ZNF426: variants seen among roughly 807,000 people sequenced by gnomAD.
ZNF426 encodes the protein CTC-543D15.7.
A neutral mutation model predicts 24.0 loss-of-function variants in ZNF426; 23 were observed. The ratio of observed to expected loss-of-function variants is 0.96; its 90% CI spans 0.69 to 1.36. The LOEUF is 1.36. Ranked by LOEUF, ZNF426 falls within the 40% of genes most tolerant of loss-of-function variation. The pLI is 0.00. For missense variants in ZNF426, 646 were observed against 658.4 expected (o/e 0.98, Z 0.21); for synonymous variants, 272 against 224.6 (o/e 1.21, Z -1.89).
Position 9,527,534 on chromosome 19 carries a change from A to G in ZNF426, c.*846T>C, listed in dbSNP as rs762171467. ...TTTTTCATGCTCCTTACATTCATAC[A>G]ATTTCTCTCCTATGTGATTTCTCCT... On this transcript the variant is annotated 3_prime_UTR_variant, in exon 8 of 8. Coordinates refer to ENST00000253115, the MANE Select transcript of ZNF426 (RefSeq NM_024106.3). The G allele has an allele frequency of 2.0e-5, 3 of 152,224 alleles. No homozygotes were observed. The highest frequency in any genetic ancestry group is 6.5e-5 in the Admixed American group (1 of 15,274). The allele number at this position is 152,224 out of a possible 1,614,324, so 9.4% of individuals were successfully genotyped here.
Position 9,535,263 on chromosome 19 carries a change from C to T in ZNF426, c.42G>A (p.Gly14=), listed in dbSNP as rs188280300. The change falls in exon 4 of 8, where the codon GGG becomes GGA. Residue 14 remains glycine, a synonymous_variant. Coordinates refer to ENST00000253115, the MANE Select transcript of ZNF426 (RefSeq NM_024106.3). Reference sequence around the variant, plus strand: ...TTTCTTCATGAAGGCAAACTGGGTCCCCAGAAAGATAATGTCCTGTAAGAA... The same window carrying T: ...TTTCTTCATGAAGGCAAACTGGGTCTCCAGAAAGATAATGTCCTGTAAGAA... ...ADLSHGHYLS[G]DPVCLHEEKT... The T allele has an allele frequency of 2.3e-4, 377 of 1,613,016 alleles. 1 individual carries two copies. In the Admixed American group the frequency reaches 4.2e-3, roughly 18 times the overall value.
In ZNF426 at chr19:9,535,172, T is replaced by A. The variant is rs374677969; in HGVS notation, c.117+16A>T. On this transcript the variant is annotated intron_variant, in intron 4 of 7. Coordinates refer to ENST00000253115, the MANE Select transcript of ZNF426 (RefSeq NM_024106.3). ...GCAAGTATGTCACTATGTATAAGAA[T>A]ACAGCTGCTTTTTACCTGATAACAA... 2.3e-5 allele frequency: 36 copies of A among 1,597,364 alleles called. No individual in the cohort carries two copies. Among genetic ancestry groups the A allele is most frequent in the Non-Finnish European group, 3.0e-5 (35 of 1,168,758 alleles).
chr19:9,535,406 G>A (rs2073951205), intron 3 of ZNF426, 127 bp from the exon 4 acceptor site: 2 of 629,686 alleles, frequency 3.2e-6, no homozygotes, highest in Admixed American at 5.5e-5. Context: ...ACACACATAA[G>A]GCCAGTTGCA....
chr19:9,529,236 A>C lies in ZNF426; in HGVS notation c.809T>G (p.Leu270Arg). 1 of 1,613,898 alleles carries C rather than the reference A, an allele frequency of 6.2e-7. No individual in the cohort carries two copies. The change falls in exon 8 of 8, where the codon CTT (leucine) becomes CGT (arginine). Residue 270 changes from leucine to arginine, a missense_variant. Transcript: ENST00000253115. ...CTTTTTTGCATTGAGGGTTTCTATA[A>C]GCACAGAAAGGCTTGTAGAGTCAAT... ...GFIDSTSLSV[L>R]IETLNAKKPY...
chr19:9,523,319 T>G lies in ZNF426; in HGVS notation c.*5061A>C, dbSNP rs1463101143. ...GGATGATTTCCTCTATAATGAGCCT[T>G]AAAAGAAGGATCTCCTCCAGGAATC... On this transcript the variant is annotated 3_prime_UTR_variant, in exon 8 of 8. Transcript: ENST00000253115. The G allele has an allele frequency of 6.6e-6, 1 of 152,124 alleles. No individual in the cohort carries two copies. Among genetic ancestry groups the G allele is most frequent in the East Asian group, 1.9e-4 (1 of 5,184 alleles). 9.4% of individuals were successfully genotyped at this position (152,124 alleles called of 1,614,324 possible). A position where few individuals can be genotyped will look rare whatever the true frequency, so the allele number is the denominator to read the frequency against.
chr19:9,532,278 CT>C (rs1020434068), intron 6 of ZNF426, among the ~76,000 whole-genome samples: 3,479 of 117,402 alleles, frequency 0.03, 51 homozygotes, highest in African/African-American at 0.085. Context: ...TTCTTTTTTT[CT>C]TTTTTTTTTT....
Position 9,528,208 on chromosome 19 carries a change from AAACTCCTGACCTC to A in ZNF426, c.*159_*171del, listed in dbSNP as rs1255033145. On this transcript the variant is annotated 3_prime_UTR_variant, in exon 8 of 8. Transcript: ENST00000253115. ...TCACCATGTTGGCCAGGGTGGTCTC[AAACTCCTGACCTC>A]AAGTGATCCACCCACCTCAGCCTCT... The A allele has an allele frequency of 4.5e-6, 3 of 662,882 alleles. No individual in the cohort carries two copies. In the African/African-American group the frequency reaches 5.5e-5, roughly 12 times the overall value. The allele number at this position is 662,882 out of a possible 1,614,324, so 41.1% of individuals were successfully genotyped here.
Position 9,526,818 on chromosome 19 carries a change from A to G in ZNF426, c.*1562T>C, listed in dbSNP as rs550873736. 6.6e-6 allele frequency: 1 copy of G among 152,264 alleles called. No individual in the cohort carries two copies. Among genetic ancestry groups the G allele is most frequent in the East Asian group, 1.9e-4 (1 of 5,186 alleles). The allele number at this position is 152,264 out of a possible 1,614,324, so 9.4% of individuals were successfully genotyped here. ...AACAGAATATCAAAGATAACAAAAA[A>G]TTTTCATAGAAGCCAGAGGGGGGGA... On this transcript the variant is annotated 3_prime_UTR_variant, in exon 8 of 8. Transcript: ENST00000253115.
chr19:9,529,444 G>A lies in ZNF426; in HGVS notation c.601C>T (p.Gln201Ter). The change falls in exon 8 of 8, where the codon CAG becomes TAG. Residue 201 changes from glutamine (Q) to a stop codon, truncating the protein, a stop_gained. Coordinates refer to ENST00000253115, the MANE Select transcript of ZNF426 (RefSeq NM_024106.3). LOFTEE classifies it low-confidence loss of function (END_TRUNC). ...STGEKLSEFN[Q>*]SEKIFSLTPN... ...GTCAGGCTGAAGATTTTTTCACTCT[G>A]ATTAAACTCAGAAAGTTTCTCACCA... The A allele has an allele frequency of 6.2e-7, 1 of 1,613,834 alleles. No individual in the cohort carries two copies. Among genetic ancestry groups the A allele is most frequent in the Non-Finnish European group, 8.5e-7 (1 of 1,179,922 alleles).
chr19:9,535,755 G>A (rs2073955808), intron 3 of ZNF426, among the ~76,000 whole-genome samples: 2 of 151,518 alleles, frequency 1.3e-5, no homozygotes, highest in Admixed American at 6.6e-5. Flanking sequence ...GATTGCTTGA[G>A]CCCAACAGTT....
chr19:9,534,579 CAACTT>C (rs2073936532), intron 4 of ZNF426, among the ~76,000 whole-genome samples: 1 of 151,786 alleles, frequency 6.6e-6, no homozygotes, highest in African/African-American at 2.4e-5. Flanking sequence ...TGCTGATAAA[CAACTT>C]AAAGGACACT....
At chr19:9,531,385 C>T (rs75186128) in intron 6 of ZNF426, among the ~76,000 whole-genome samples, 4,206 of 152,148 alleles carry the variant, frequency 0.028, 195 homozygotes, top group African/African-American at 0.097. Context: ...TGAACCACAA[C>T]AAGAACAAAT....
chr19:9,532,674 G>A (rs1486224978), intron 6 of ZNF426, among the ~76,000 whole-genome samples, 171 bp downstream of exon 6: 3 of 152,090 alleles, frequency 2.0e-5, no homozygotes, highest in Admixed American at 2.0e-4. Flanking sequence ...CACAGACAAG[G>A]GGGGACTGCT....
In ZNF426 at chr19:9,531,021, G is replaced by C. The variant is rs1327348235; in HGVS notation, c.372C>G (p.Asp124Glu). 1.2e-6 allele frequency: 2 copies of C among 1,614,050 alleles called. No homozygotes were observed. Among genetic ancestry groups the C allele is most frequent in the Non-Finnish European group, 1.7e-6 (2 of 1,179,966 alleles). The change falls in exon 7 of 8, where the codon GAC becomes GAG. Residue 124 changes from aspartate to glutamate, a missense_variant. By Grantham distance (45) the Asp-to-Glu change is conservative. Coordinates refer to ENST00000253115, the MANE Select transcript of ZNF426 (RefSeq NM_024106.3). The part of the protein sequence containing the change: ...LETQWSILQQ[D>E]FLRGQTSIGI... ...CAATGGATGTCTGACCCCTCAAAAA[G>C]TCCTGCTGAAGTATAGACCACTGGG...
chr19:9,536,304 C>A lies in ZNF426; in HGVS notation c.-72G>T, dbSNP rs748146536. ...CATCACTTCAGGACACCTCATTAAT[C>A]TAAATGGACAGTGGCAATCTCCATT... On this transcript the variant is annotated 5_prime_UTR_variant, in exon 3 of 8. Coordinates refer to ENST00000253115, the MANE Select transcript of ZNF426 (RefSeq NM_024106.3). 11 of 1,613,754 alleles carry A rather than the reference C, an allele frequency of 6.8e-6. No individual in the cohort carries two copies. In the African/African-American group the frequency reaches 1.5e-4, roughly 22 times the overall value.
chr19:9,528,789 G>A lies in ZNF426; in HGVS notation c.1256C>T (p.Ala419Val). ...GHLRTHTEEK[A>V]CECKICGKVF... is the part of the protein sequence containing the mutation. ...TTTCCCACATATCTTACACTCACAG[G>A]CCTTCTCTTCAGTGTGAGTTCTCAA... is the stretch of plus-strand genomic sequence containing the variant. The change falls in exon 8 of 8, where the codon GCC (alanine) becomes GTC (valine). Residue 419 changes from alanine to valine, a missense_variant. Physicochemically the swap from Ala to Val is moderately conservative, Grantham distance 64. Coordinates refer to ENST00000253115, the MANE Select transcript of ZNF426 (RefSeq NM_024106.3). 6.2e-7 allele frequency: 1 copy of A among 1,614,108 alleles called. No individual in the cohort carries two copies. The highest frequency in any genetic ancestry group is 1.3e-5 in the African/African-American group (1 of 75,012).
At position 9,529,084 on chromosome 19, in the gene ZNF426, T is replaced by C; in HGVS notation, c.961A>G (p.Asn321Asp). Residue 321 changes from asparagine (N) to aspartate (D), a missense_variant, in exon 8 of 8, where the codon AAC becomes GAC. By Grantham distance (23) the Asn-to-Asp change is conservative. Transcript: ENST00000253115. Reference sequence around the variant, plus strand: ...GTTCTTCCATGTATCTGAAATGAGTTGGAATAATTGAAGGCTTTCCCACAT... The same window carrying C: ...GTTCTTCCATGTATCTGAAATGAGTCGGAATAATTGAAGGCTTTCCCACAT... ...KECGKAFNYS[N>D]SFQIHGRTHT... The C allele has an allele frequency of 6.2e-7, 1 of 1,613,542 alleles. No homozygotes were observed. The highest frequency in any genetic ancestry group is 8.5e-7 in the Non-Finnish European group (1 of 1,179,874).
At position 9,528,188 on chromosome 19, in the gene ZNF426, A is replaced by G. The variant is rs1238920672; in HGVS notation, c.*192T>C. 2 of 557,234 alleles carry G rather than the reference A, an allele frequency of 3.6e-6. No homozygotes were observed. The highest frequency in any genetic ancestry group is 7.3e-5 in the Admixed American group (2 of 27,246). 34.5% of individuals were successfully genotyped at this position (557,234 alleles called of 1,614,324 possible). A position where few individuals can be genotyped will look rare whatever the true frequency, so the allele number is the denominator to read the frequency against. On this transcript the variant is annotated 3_prime_UTR_variant, in exon 8 of 8. Coordinates refer to ENST00000253115, the MANE Select transcript of ZNF426 (RefSeq NM_024106.3). ...TTTTCAGTAGAGACAAGGTTTCACC[A>G]TGTTGGCCAGGGTGGTCTCAAACTC...
At position 9,531,706 on chromosome 19, in the gene ZNF426, C is replaced by T. The variant is rs111962362; in HGVS notation, c.326-639G>A. Reference sequence around the variant, plus strand: ...CGTATATCTAAACAATTAACTTGGCCGGGCACGGTGGCTCATGCCTTTAAT... The same window carrying T: ...CGTATATCTAAACAATTAACTTGGCTGGGCACGGTGGCTCATGCCTTTAAT... On this transcript the variant is annotated intron_variant, in intron 6 of 7. Coordinates refer to ENST00000253115, the MANE Select transcript of ZNF426 (RefSeq NM_024106.3). Among the ~76,000 whole-genome samples the T allele has an allele frequency of 5.2e-3, 796 of 151,924 alleles. 7 individuals carry two copies. Among genetic ancestry groups the T allele is most frequent in the African/African-American group, 0.019 (771 of 41,438 alleles).
Sources: gnomAD v4.1 joint callset for allele counts (sites outside exome capture counted in the v4.1 genomes callset) on GRCh38, gnomAD v4.1.1 for gene constraint, MANE v1.5 for transcripts, NCBI Gene and HGNC (gene_info 2026-07-23, HGNC 2026-07-21) for gene names.